The following KANK1 variants were observed in gnomAD, a reference collection of about 807,000 sequenced individuals.
KANK1 encodes the protein KN motif and ankyrin repeat domains 1.
A neutral mutation model predicts 106.2 loss-of-function variants in KANK1; 109 were observed. The ratio of observed to expected loss-of-function variants is 1.03; its 90% CI spans 0.88 to 1.20. The LOEUF (loss-of-function observed/expected upper bound fraction) is 1.20, where lower values mean the gene tolerates loss of function less well. Among genes scored for constraint, KANK1 ranks in the 50% most tolerant of loss-of-function variants. The probability of loss-of-function intolerance (pLI) is 0.00; values close to 1 mark genes in which losing one functional copy is unlikely to be tolerated. For synonymous variants in KANK1, 873 were observed against 652.2 expected (o/e 1.34, Z -5.16); for missense variants, 2,399 against 1,710.7 (o/e 1.40, Z -7.10).
intron 1 of KANK1, among the ~76,000 whole-genome samples, chr9:640,386 C>G (rs1248694772): frequency 6.6e-6 from 1 of 151,880 alleles, no homozygotes; most frequent in Non-Finnish European, 1.5e-5. Flanking sequence ...CAGGTGCATG[C>G]CATCACGCCC....
intron 1 of KANK1, among the ~76,000 whole-genome samples, chr9:518,409 A>AGTT (rs764676212): frequency 3.7e-5 from 5 of 133,946 alleles, no homozygotes; most frequent in Non-Finnish European, 7.2e-5. Context: ...GGCCCAGGGC[A>AGTT]GTTTTTACTT....
At chr9:538,877 T>C (rs761504710) in intron 1 of KANK1, among the ~76,000 whole-genome samples, 2 of 152,192 alleles carry the variant, frequency 1.3e-5, no homozygotes, top group African/African-American at 2.4e-5. Context: ...TTTCCAGCTT[T>C]TGTTTTTTAT....
intron 1 of KANK1, among the ~76,000 whole-genome samples, chr9:559,604 T>G (rs377138064): frequency 1.7e-4 from 26 of 152,320 alleles, no homozygotes; most frequent in African/African-American, 4.8e-4. Flanking sequence ...GCATAATAAT[T>G]TCTGATTTGT....
At chr9:718,873 G>T (rs28460345) in intron 3 of KANK1, among the ~76,000 whole-genome samples, 21,741 of 151,208 alleles carry the variant, frequency 0.14, 2,031 homozygotes, top group Non-Finnish European at 0.2. Context: ...CAAAAAAGAA[G>T]ATGGTCCTTC....
intron 1 of KANK1, among the ~76,000 whole-genome samples, chr9:596,380 T>C (rs1826213679): frequency 6.6e-6 from 1 of 151,818 alleles, no homozygotes; most frequent in Non-Finnish European, 1.5e-5. Flanking sequence ...TTAATGTACA[T>C]CACTGTAGGT....
At chr9:554,533 A>G (rs2061467906) in intron 1 of KANK1, among the ~76,000 whole-genome samples, 1 of 152,242 alleles carries the variant, frequency 6.6e-6, no homozygotes, top group Non-Finnish European at 1.5e-5. Flanking sequence ...GGCTAAAGCA[A>G]ATCGGACTGA....
chr9:740,405 G>A (rs1034233089), intron 8 of KANK1, among the ~76,000 whole-genome samples: 6 of 152,118 alleles, frequency 3.9e-5, no homozygotes, highest in South Asian at 2.1e-4. Context: ...CAAACACTTC[G>A]TTCATGAATA....
At chr9:586,709 A>T (rs1298255981) in intron 1 of KANK1, among the ~76,000 whole-genome samples, 1 of 152,170 alleles carries the variant, frequency 6.6e-6, no homozygotes, top group East Asian at 1.9e-4. Context: ...CACACGGAGG[A>T]GGAGAACAGA....
chr9:633,597 A>G (rs942939341), intron 1 of KANK1, among the ~76,000 whole-genome samples: 3 of 152,326 alleles, frequency 2.0e-5, no homozygotes, highest in Admixed American at 2.0e-4. Flanking sequence ...AACCTGGCAT[A>G]TGAGCTCTCA....
At chr9:500,408 C>G (rs897582377), upstream of KANK1, among the ~76,000 whole-genome samples, 3 of 152,234 alleles carry the variant, frequency 2.0e-5, no homozygotes, top group African/African-American at 7.2e-5. Flanking sequence ...GCTCTTCACT[C>G]TGAACCACTC....
At chr9:667,357 C>A (rs1290119600) in intron 1 of KANK1, among the ~76,000 whole-genome samples, 1 of 151,642 alleles carries the variant, frequency 6.6e-6, no homozygotes, top group East Asian at 1.9e-4. Flanking sequence ...TTTTTTTTAA[C>A]TAAACTTTTG....
intron 2 of KANK1, among the ~76,000 whole-genome samples, chr9:708,615 C>T (rs1448766953): frequency 6.6e-6 from 1 of 152,086 alleles, no homozygotes; most frequent in Admixed American, 6.6e-5. Flanking sequence ...GGGAAGAAAG[C>T]GGGCAGATGG....
At chr9:617,888 T>A (rs1213855454) in intron 1 of KANK1, among the ~76,000 whole-genome samples, 1 of 152,186 alleles carries the variant, frequency 6.6e-6, no homozygotes, top group Non-Finnish European at 1.5e-5. Flanking sequence ...TAGAATGGAA[T>A]TTCTTACTGA....
At chr9:636,039 T>C (rs954600821) in intron 1 of KANK1, among the ~76,000 whole-genome samples, 9 of 152,186 alleles carry the variant, frequency 5.9e-5, no homozygotes, top group African/African-American at 2.2e-4. Flanking sequence ...TAGATTTTCA[T>C]AGTTTTACTG....
chr9:545,886 C>T lies in KANK1; in HGVS notation c.-84+41132C>T, dbSNP rs1376244998. 2.0e-5 allele frequency among the ~76,000 whole-genome samples: 3 copies of T among 152,016 alleles called. No individual in the cohort carries two copies. In the East Asian group the frequency reaches 5.8e-4, roughly 29 times the overall value. ...TCAGCCTCCCAAGTAGCTGGGATTA[C>T]AGGCATGCACCACCATGCCCGGCTA... On this transcript the variant is annotated intron_variant, in intron 1 of 11. Coordinates refer to ENST00000382297, the MANE Select transcript of KANK1 (RefSeq NM_015158.5).
At chr9:616,518 A>ATAT (rs1831863250) in intron 1 of KANK1, among the ~76,000 whole-genome samples, 1 of 152,228 alleles carries the variant, frequency 6.6e-6, no homozygotes, top group Admixed American at 6.5e-5. Flanking sequence ...TATTTCATTT[A>ATAT]TATTCACTTG....
chr9:732,194 TAAGTTA>T (rs1247623972), intron 5 of KANK1, 178 bp from the exon 6 acceptor site: 1 of 608,286 alleles, frequency 1.6e-6, no homozygotes, highest in Non-Finnish European at 2.8e-6. Flanking sequence ...ATAACCAGTT[TAAGTTA>T]GAGTCCATTC....
At chr9:556,020 A>G (rs967519998) in intron 1 of KANK1, among the ~76,000 whole-genome samples, 1 of 152,214 alleles carries the variant, frequency 6.6e-6, no homozygotes, top group Non-Finnish European at 1.5e-5. Context: ...TCATACTATA[A>G]AATACTGCTG....
chr9:624,825 T>A (rs113237523), intron 1 of KANK1, among the ~76,000 whole-genome samples: 7,477 of 151,986 alleles, frequency 0.049, 605 homozygotes, highest in African/African-American at 0.17. Flanking sequence ...CAATATCCCC[T>A]TTAAAAACGC....
Sources: gnomAD v4.1 joint callset for allele counts (sites outside exome capture counted in the v4.1 genomes callset) on GRCh38, gnomAD v4.1.1 for gene constraint, MANE v1.5 for transcripts, NCBI Gene and HGNC (gene_info 2026-07-23, HGNC 2026-07-21) for gene names.